Variants in NUP205 observed in about 807,000 individuals in gnomAD.
NUP205 encodes the protein nuclear pore complex protein Nup205.
A neutral mutation model predicts 253.8 loss-of-function variants in NUP205; 76 were observed. The observed-to-expected ratio is 0.30, with a 90% CI of 0.25 to 0.36. NUP205 has a LOEUF of 0.36. NUP205 is among the 10% of genes least tolerant of loss of function. The probability of loss-of-function intolerance (pLI) is 1.00; values close to 1 mark genes in which losing one functional copy is unlikely to be tolerated. For missense variants in NUP205, 2,162 were observed against 2,425.5 expected (o/e 0.89, Z 2.28); for synonymous variants, 832 against 850.1 (o/e 0.98, Z 0.37).
At chr7:135,600,131 C>T (rs1254959045) in intron 15 of NUP205, among the ~76,000 whole-genome samples, 2 of 152,156 alleles carry the variant, frequency 1.3e-5, no homozygotes, top group Admixed American at 1.3e-4. Context: ...TGACCAAACC[C>T]AGTCTTATTA....
At chr7:135,570,459 T>C (rs184980531) in intron 1 of NUP205, among the ~76,000 whole-genome samples, 3,783 of 151,556 alleles carry the variant, frequency 0.025, 77 homozygotes, top group South Asian at 0.077. Context: ...AGGTAATCTG[T>C]CCGCCTTGGC....
In NUP205 at chr7:135,594,705, C is replaced by G; in HGVS notation, c.1989C>G (p.Leu663=). Reference sequence around the variant, plus strand: ...AATCTCCTGAAATTGCTGCTTCCCTCTGGCAGTCATTGGAATACACTCAGG... The same window carrying G: ...AATCTCCTGAAATTGCTGCTTCCCTGTGGCAGTCATTGGAATACACTCAGG... ...FGKSPEIAAS[L]WQSLEYTQIL... Residue 663 remains leucine, a synonymous_variant, in exon 13 of 43, where the codon CTC becomes CTG. Coordinates refer to ENST00000285968, the MANE Select transcript of NUP205 (RefSeq NM_015135.3). The G allele has an allele frequency of 6.2e-7, 1 of 1,613,426 alleles. No individual in the cohort carries two copies. The highest frequency in any genetic ancestry group is 8.5e-7 in the Non-Finnish European group (1 of 1,179,638).
intron 36 of NUP205, among the ~76,000 whole-genome samples, chr7:135,636,992 T>G (rs1794821850): frequency 6.6e-6 from 1 of 152,128 alleles, no homozygotes; most frequent in Non-Finnish European, 1.5e-5. Context: ...GGCAACAGAG[T>G]GAGAGACTGT....
chr7:135,644,692 GATAAATGTTC>G (rs1158062675), intron 39 of NUP205, among the ~76,000 whole-genome samples, 193 bp from the exon 40 acceptor site: 1 of 152,160 alleles, frequency 6.6e-6, no homozygotes, highest in East Asian at 1.9e-4. Context: ...AAAGGCAGCA[GATAAATGTTC>G]ATTTGTGAAT....
At chr7:135,607,815 T>C (rs1794120634) in intron 22 of NUP205, among the ~76,000 whole-genome samples, 2 of 152,146 alleles carry the variant, frequency 1.3e-5, no homozygotes, top group East Asian at 3.9e-4. Context: ...AAGCACTTTT[T>C]TTTTTTAAGA....
intron 37 of NUP205, 99 bp from the exon 38 acceptor site, chr7:135,638,458 C>A: frequency 4.2e-5 from 37 of 876,672 alleles, no homozygotes; most frequent in South Asian, 9.7e-5. Flanking sequence ...AGTCATTTTA[C>A]AAATTGATTG....
intron 17 of NUP205, among the ~76,000 whole-genome samples, chr7:135,602,578 C>T (rs746832332): frequency 2.6e-5 from 4 of 152,140 alleles, no homozygotes; most frequent in Non-Finnish European, 5.9e-5. Context: ...TTCTGGATTG[C>T]AAAATAACGA....
At chr7:135,612,598 A>G (rs1794267302) in intron 22 of NUP205, among the ~76,000 whole-genome samples, 1 of 152,210 alleles carries the variant, frequency 6.6e-6, no homozygotes, top group South Asian at 2.1e-4. Flanking sequence ...TTTTTATAGT[A>G]TGATAGCTGG....
At chr7:135,648,376 A>T in intron 42 of NUP205, 28 bp from the exon 43 acceptor site, 1 of 1,511,758 alleles carries the variant, frequency 6.6e-7, no homozygotes, top group Non-Finnish European at 8.8e-7. Flanking sequence ...CAACAATTTT[A>T]ACAAAATGTC....
intron 15 of NUP205, among the ~76,000 whole-genome samples, chr7:135,600,015 T>C (rs1180408798): frequency 6.6e-6 from 1 of 152,304 alleles, no homozygotes; most frequent in East Asian, 1.9e-4. Flanking sequence ...AAAAATAATT[T>C]AAAAGTCACT....
Position 135,615,996 on chromosome 7 carries a change from C to T in NUP205, c.3391C>T (p.Arg1131Cys), listed in dbSNP as rs776367215. ...SIELRVTSLN[R>C]QRSHTQRLLH... is the part of the protein sequence containing the mutation. ...AGAGCTAAGGGTAACCTCTCTGAAT[C>T]GTCAGCGGTCACATACCCAGAGGCT... The change falls in exon 24 of 43, where the codon CGT becomes TGT. Residue 1131 changes from arginine (R) to cysteine (C), a missense_variant. Arg to Cys is a radical substitution (Grantham distance 180). This residue lies in a region of NUP205 where 1,144 missense variants were observed against 1,280.9 expected (regional missense o/e 0.89). Coordinates refer to ENST00000285968, the MANE Select transcript of NUP205 (RefSeq NM_015135.3). The T allele has an allele frequency of 6.8e-6, 11 of 1,613,562 alleles. No individual in the cohort carries two copies. In the Admixed American group the frequency reaches 8.3e-5, roughly 12 times the overall value.
intron 7 of NUP205, 98 bp from the exon 8 acceptor site, chr7:135,584,734 G>C: frequency 9.6e-7 from 1 of 1,036,916 alleles, no homozygotes; most frequent in Non-Finnish European, 1.5e-6. Context: ...AGAAGGCTGG[G>C]AAGATGTCTG....
intron 35 of NUP205, 68 bp from the exon 36 acceptor site, chr7:135,635,513 T>A: frequency 1.1e-6 from 1 of 896,290 alleles, no homozygotes; most frequent in Non-Finnish European, 1.8e-6. Context: ...TATTAGAACC[T>A]CTCTTCCTAG....
chr7:135,628,783 A>AT (rs1794646566), intron 34 of NUP205, among the ~76,000 whole-genome samples: 1 of 152,006 alleles, frequency 6.6e-6, no homozygotes, highest in Non-Finnish European at 1.5e-5. Flanking sequence ...ATTTCTGGTA[A>AT]TTTTTTCTGC....
In NUP205 at chr7:135,618,425, T is replaced by C. The variant is rs1366912443; in HGVS notation, c.3785T>C (p.Val1262Ala). The change falls in exon 28 of 43, where the codon GTA becomes GCA. Residue 1262 changes from valine to alanine, a missense_variant. Val to Ala is a moderately conservative substitution (Grantham distance 64). Transcript: ENST00000285968. ...CTGTGGCTTTAGGAAATCAGCACTG[T>C]ACTTCAGTATGTGGTAGGAAGAAAT... is the stretch of plus-strand genomic sequence containing the variant. The part of the protein sequence containing the change: ...RPLLMEEIST[V>A]LQYVVGRNKL... The C allele has an allele frequency of 6.8e-6, 11 of 1,613,966 alleles. No individual in the cohort carries two copies. The highest frequency in any genetic ancestry group is 9.3e-6 in the Non-Finnish European group (11 of 1,179,990).
At chr7:135,595,940 T>A (rs996233583) in intron 13 of NUP205, among the ~76,000 whole-genome samples, 1 of 149,832 alleles carries the variant, frequency 6.7e-6, no homozygotes, top group East Asian at 1.9e-4. Flanking sequence ...CAAAAAAAAT[T>A]TTTTTTTTTT....
chr7:135,567,814 A>G (rs1344593624), intron 1 of NUP205, among the ~76,000 whole-genome samples: 1 of 152,178 alleles, frequency 6.6e-6, no homozygotes, highest in Non-Finnish European at 1.5e-5. Flanking sequence ...CTGTTGAGTA[A>G]TTGGTTTTGA....
intron 34 of NUP205, among the ~76,000 whole-genome samples, chr7:135,629,639 G>A (rs545867756): frequency 4.2e-4 from 64 of 151,462 alleles, no homozygotes; most frequent in African/African-American, 1.5e-3. Context: ...TGATTCTTGT[G>A]CCTCAGCCTC....
chr7:135,570,760 A>G (rs1805956366), intron 1 of NUP205, among the ~76,000 whole-genome samples: 1 of 89,820 alleles, frequency 1.1e-5, no homozygotes, highest in Non-Finnish European at 2.1e-5. Flanking sequence ...TTATATTTAT[A>G]TATTATATTA....
Sources: allele counts gnomAD v4.1 joint callset (sites outside exome capture counted in the v4.1 genomes callset), GRCh38; gene constraint gnomAD v4.1.1; regional missense constraint gnomAD v4.1.1; transcripts MANE v1.5; gene names NCBI Gene and HGNC (gene_info 2026-07-23, HGNC 2026-07-21).